FBXW7: variants seen among roughly 807,000 people sequenced by gnomAD.
The protein encoded by FBXW7 is F-box and WD repeat domain containing 7, also known as F-box/WD repeat-containing protein 7.
A neutral mutation model predicts 86.3 loss-of-function variants in FBXW7; 11 were observed. That is an observed-to-expected ratio of 0.13 (90% CI 0.08 to 0.21). The LOEUF (loss-of-function observed/expected upper bound fraction) is 0.21. FBXW7 is among the 10% of genes least tolerant of loss of function. FBXW7 has a pLI of 1.00. For missense variants in FBXW7, 488 were observed against 847.4 expected (o/e 0.58, Z 5.27); for synonymous variants, 313 against 297.9 (o/e 1.05, Z -0.52).
At position 152,465,920 on chromosome 4, in the gene FBXW7, G is replaced by A. The variant is rs1031717246; in HGVS notation, c.-119-53391C>T. Among the ~76,000 whole-genome samples, 3 of 150,906 alleles carry A rather than the reference G, an allele frequency of 2.0e-5. No homozygotes were observed. The East Asian group carries it at 5.8e-4, about 29-fold the overall frequency. ...GTGACTGTTAGCCAATGAACACCAT[G>A]ATTTTAAATCAACTAACAAGAATAT... is the stretch of plus-strand genomic sequence containing the variant. On this transcript the variant is annotated intron_variant, in intron 2 of 13. Transcript: ENST00000281708.
At chr4:152,512,983 T>A (rs1297761749) in intron 2 of FBXW7, among the ~76,000 whole-genome samples, 1 of 152,170 alleles carries the variant, frequency 6.6e-6, no homozygotes, top group Non-Finnish European at 1.5e-5. Flanking sequence ...TGCCTCGGCC[T>A]CCCAAATAGC....
At chr4:152,492,391 A>G (rs1003006972) in intron 2 of FBXW7, among the ~76,000 whole-genome samples, 5 of 152,182 alleles carry the variant, frequency 3.3e-5, no homozygotes, top group Non-Finnish European at 5.9e-5. Context: ...TCCTTTTCCG[A>G]AAACACCTAG....
In FBXW7 at chr4:152,506,374, G is replaced by C. The variant is rs543447826; in HGVS notation, c.-120+28567C>G. Among the ~76,000 whole-genome samples, 42 of 152,272 alleles carry C rather than the reference G, an allele frequency of 2.8e-4. 1 individual carries two copies. The South Asian group carries it at 8.3e-3, about 30-fold the overall frequency. On this transcript the variant is annotated intron_variant, in intron 2 of 13. Coordinates refer to ENST00000281708, the MANE Select transcript of FBXW7 (RefSeq NM_001349798.2). The stretch of plus-strand genomic sequence containing the variant: ...TCTCAATCTCCTGACCTTGTGATCT[G>C]CCCGCCTCAGCCTCCCAAAGTGTTG...
chr4:152,494,620 A>T (rs1327500969), intron 2 of FBXW7, among the ~76,000 whole-genome samples: 1 of 152,186 alleles, frequency 6.6e-6, no homozygotes, highest in East Asian at 1.9e-4. Context: ...AAATCAGTAG[A>T]TTTGAGGAGA....
At chr4:152,498,689 C>T (rs1282000151) in intron 2 of FBXW7, among the ~76,000 whole-genome samples, 1 of 152,108 alleles carries the variant, frequency 6.6e-6, no homozygotes, top group Non-Finnish European at 1.5e-5. Context: ...TAAACAAGTG[C>T]TACTGGAATT....
chr4:152,512,134 T>C (rs955669866), intron 2 of FBXW7, among the ~76,000 whole-genome samples: 4 of 152,340 alleles, frequency 2.6e-5, no homozygotes, highest in Admixed American at 1.3e-4. Flanking sequence ...GTTTCTTCTT[T>C]ACTGATACTT....
At position 152,352,788 on chromosome 4, in the gene FBXW7, G is replaced by A. The variant is rs1731969600; in HGVS notation, c.502-2664C>T. ...GGGAATAATGAGAGAGAACGGAGAA[G>A]ATTATTGGAGGAGACTATGCCCTGT... On this transcript the variant is annotated intron_variant, in intron 4 of 13. Coordinates refer to ENST00000281708, the MANE Select transcript of FBXW7 (RefSeq NM_001349798.2). 1.0e-5 allele frequency: 16 copies of A among 1,593,596 alleles called. No individual in the cohort carries two copies. The South Asian group carries it at 1.7e-4, about 17-fold the overall frequency.
intron 2 of FBXW7, among the ~76,000 whole-genome samples, chr4:152,524,584 T>C (rs1254527578): frequency 6.6e-6 from 1 of 152,108 alleles, no homozygotes; most frequent in Non-Finnish European, 1.5e-5. Flanking sequence ...TGGTAACACC[T>C]CATGTCCACA....
chr4:152,514,937 A>G (rs987109716), intron 2 of FBXW7, among the ~76,000 whole-genome samples: 1 of 152,182 alleles, frequency 6.6e-6, no homozygotes, highest in South Asian at 2.1e-4. Flanking sequence ...ATTATTTAGG[A>G]GCTGAGAATG....
rs894200122 is a variant in FBXW7 at position 152,508,033 on chromosome 4, G to A, written c.-120+26908C>T. On this transcript the variant is annotated intron_variant, in intron 2 of 13. Coordinates refer to ENST00000281708, the MANE Select transcript of FBXW7 (RefSeq NM_001349798.2). Reference sequence around the variant, plus strand: ...CAGTGAGCTATGATCATACCACTGCGCACTCCAGCCTGAGTGACACAGCAG... The same window carrying A: ...CAGTGAGCTATGATCATACCACTGCACACTCCAGCCTGAGTGACACAGCAG... 5.3e-5 allele frequency among the ~76,000 whole-genome samples: 8 copies of A among 151,546 alleles called. No individual in the cohort carries two copies. The South Asian group carries it at 1.2e-3, about 24-fold the overall frequency.
chr4:152,326,270 A>C (rs2126498815), intron 11 of FBXW7, 39 bp from the exon 12 acceptor site: 6 of 1,527,558 alleles, frequency 3.9e-6, no homozygotes, highest in Non-Finnish European at 4.5e-6. Flanking sequence ...CAAAACAAAA[A>C]AACCCACGTT....
intron 2 of FBXW7, among the ~76,000 whole-genome samples, chr4:152,477,696 T>C (rs1168811771): frequency 6.6e-6 from 1 of 152,166 alleles, no homozygotes; most frequent in Non-Finnish European, 1.5e-5. Context: ...CCATCTACTG[T>C]GCTGAGTTAC....
chr4:152,358,807 A>G (rs1467412810), intron 4 of FBXW7, among the ~76,000 whole-genome samples: 1 of 152,184 alleles, frequency 6.6e-6, no homozygotes, highest in Non-Finnish European at 1.5e-5. Flanking sequence ...CTAGCACATA[A>G]CAGATACCCT....
intron 4 of FBXW7, among the ~76,000 whole-genome samples, chr4:152,356,902 G>A (rs1362240308): frequency 6.6e-6 from 1 of 152,148 alleles, no homozygotes; most frequent in Non-Finnish European, 1.5e-5. Flanking sequence ...CCTACTTTGT[G>A]TTGGGCACAG....
At chr4:152,471,946 G>A (rs965714457) in intron 2 of FBXW7, among the ~76,000 whole-genome samples, 7 of 151,586 alleles carry the variant, frequency 4.6e-5, no homozygotes, top group Middle Eastern at 6.8e-3. Flanking sequence ...GAAAATGCAA[G>A]CTACAGTGTA....
chr4:152,450,311 C>T (rs1470260448), intron 2 of FBXW7, among the ~76,000 whole-genome samples: 1 of 152,182 alleles, frequency 6.6e-6, no homozygotes, highest in East Asian at 1.9e-4. Flanking sequence ...AATTTTAAAT[C>T]CTCATCTGCA....
chr4:152,483,221 A>T (rs1345841437), intron 2 of FBXW7, among the ~76,000 whole-genome samples: 1 of 151,940 alleles, frequency 6.6e-6, no homozygotes, highest in Non-Finnish European at 1.5e-5. Flanking sequence ...TTCATAACCC[A>T]TTTTTTCAAT....
At chr4:152,451,549 T>C (rs1741908318) in intron 2 of FBXW7, 1 of 152,034 alleles carries the variant, frequency 6.6e-6, no homozygotes, top group Non-Finnish European at 1.5e-5. Flanking sequence ...GGATGCTGAG[T>C]TGGGTGCAAG....
At position 152,463,347 on chromosome 4, in the gene FBXW7, T is replaced by C. The variant is rs181220037; in HGVS notation, c.-119-50818A>G. 2.0e-4 allele frequency among the ~76,000 whole-genome samples: 31 copies of C among 152,128 alleles called. No individual in the cohort carries two copies. In the East Asian group the frequency reaches 5.2e-3, roughly 26 times the overall value. ...AGGAAACATGTCACCAGAAACTTCG[T>C]TGTAAGTTTAAACTCCACCATTACC... is the stretch of plus-strand genomic sequence containing the variant. On this transcript the variant is annotated intron_variant, in intron 2 of 13. Transcript: ENST00000281708.
Sources: gnomAD v4.1 joint callset for allele counts (sites outside exome capture counted in the v4.1 genomes callset) on GRCh38, gnomAD v4.1.1 for gene constraint, MANE v1.5 for transcripts, NCBI Gene and HGNC (gene_info 2026-07-23, HGNC 2026-07-21) for gene names.